SYNE1: variants seen among roughly 807,000 people sequenced by gnomAD.
The protein encoded by SYNE1 is spectrin repeat containing nuclear envelope protein 1, also known as nesprin-1.
In SYNE1, 616 loss-of-function variants were observed where a neutral mutation model predicts 1,111.0. That is an observed-to-expected ratio of 0.55 (90% CI 0.52 to 0.59). SYNE1 has a LOEUF of 0.59. SYNE1 is among the 20% of genes least tolerant of loss of function. The probability of loss-of-function intolerance (pLI) is 0.00; values close to 1 mark genes in which losing one functional copy is unlikely to be tolerated. For missense variants in SYNE1, 10,006 were observed against 10,417.0 expected, an observed-to-expected ratio of 0.96 and a Z score of 1.72; for synonymous variants, 3,855 against 3,825.8, an observed-to-expected ratio of 1.01 and a Z score of -0.28.
chr6:152,292,772 C>A (rs1242320982), intron 95 of SYNE1, among the ~76,000 whole-genome samples: 1 of 152,202 alleles, frequency 6.6e-6, no homozygotes, highest in Non-Finnish European at 1.5e-5. Context: ...TTTCTTTCCT[C>A]CTGCCTTCTG....
rs776759276 is a variant in SYNE1 at position 152,353,383 on chromosome 6, T to C, written c.11133A>G (p.Glu3711=). The C allele has an allele frequency of 1.2e-6, 2 of 1,614,208 alleles. No individual in the cohort carries two copies. Among genetic ancestry groups the C allele is most frequent in the Non-Finnish European group, 1.7e-6 (2 of 1,180,038 alleles). Residue 3711 remains glutamate (E), a synonymous_variant, in exon 69 of 146, where the codon GAA becomes GAG. Transcript: ENST00000367255. ...EEEIQSLEES[E]SSLSSYSDWY... is the part of the protein sequence containing the mutation. ...AATCAGAATAGGAACTGAGGGATGA[T>C]TCTGATTCCTCCAAACTCTGAATCT...
intron 98 of SYNE1, among the ~76,000 whole-genome samples, chr6:152,270,392 A>T (rs959669662): frequency 6.6e-6 from 1 of 151,816 alleles, no homozygotes; most frequent in African/African-American, 2.4e-5. Flanking sequence ...AGTACCCTTC[A>T]CTCCCTCCAT....
At chr6:152,554,602 C>A (rs2099358905) in intron 3 of SYNE1, among the ~76,000 whole-genome samples, 3 of 152,110 alleles carry the variant, frequency 2.0e-5, no homozygotes, top group Non-Finnish European at 4.4e-5. Context: ...CTCAGTTTAA[C>A]CAACCAAACT....
chr6:152,415,816 G>A (rs200712937), intron 41 of SYNE1, among the ~76,000 whole-genome samples: 4,476 of 59,914 alleles, frequency 0.075, 165 homozygotes, highest in African/African-American at 0.2. Flanking sequence ...AAAAAAAAAA[G>A]AAGAGGAAGA....
At position 152,336,993 on chromosome 6, in the gene SYNE1, G is replaced by A; in HGVS notation, c.12376C>T (p.Gln4126Ter). Residue 4126 changes from glutamine (Q) to a stop codon, truncating the protein, a stop_gained, in exon 76 of 146, where the codon CAG (glutamine) becomes TAG (stop). Transcript: ENST00000367255. LOFTEE classifies it high-confidence loss of function. ...TCTTCCCAGCCCTGAGTTAAGTTCT[G>A]GGCCTGGACAAGCTTTTGTTCAATC... Reference protein sequence around the residue: ...QTIEQKLVQAQNLTQGWEEIK... With the variant: ...QTIEQKLVQA 6.2e-7 allele frequency: 1 copy of A among 1,613,846 alleles called. No individual in the cohort carries two copies. The highest frequency in any genetic ancestry group is 8.5e-7 in the Non-Finnish European group (1 of 1,180,000).
At chr6:152,168,119 A>G in intron 130 of SYNE1, 1 of 780,306 alleles carries the variant, frequency 1.3e-6, no homozygotes, top group Non-Finnish European at 2.4e-6. Flanking sequence ...CTGCCTTGTG[A>G]CATCGCAGTT....
rs759467324 is a variant in SYNE1, at chr6:152,325,321, G to A, written c.15439-19C>T. 2.2e-5 allele frequency: 35 copies of A among 1,611,680 alleles called. No homozygotes were observed. The highest frequency in any genetic ancestry group is 2.9e-5 in the Non-Finnish European group (34 of 1,177,800). ...CTAAAGCCTAGGGTTGGGGGTGGAG[G>A]ACGGAAGAGAGGAGACAAGGGAGAG... On this transcript the variant is annotated intron_variant, in intron 80 of 145. Transcript: ENST00000367255.
intron 95 of SYNE1, 121 bp from the exon 96 acceptor site, chr6:152,284,293 A>C: frequency 4.8e-6 from 5 of 1,032,002 alleles, no homozygotes; most frequent in Non-Finnish European, 7.3e-6. Context: ...GGAATCATTA[A>C]TCAATCAACA....
At chr6:152,273,237 T>G (rs2093343296) in intron 98 of SYNE1, among the ~76,000 whole-genome samples, 1 of 152,188 alleles carries the variant, frequency 6.6e-6, no homozygotes. Flanking sequence ...ACCACAGTGG[T>G]GTGTACATGC....
rs752209637 is a variant in SYNE1, at chr6:152,354,835, G to A, written c.10750C>T (p.His3584Tyr). 3.0e-5 allele frequency: 48 copies of A among 1,614,050 alleles called. No individual in the cohort carries two copies. The highest frequency in any genetic ancestry group is 4.0e-5 in the Non-Finnish European group (47 of 1,180,040). Residue 3584 changes from histidine to tyrosine, a missense_variant, in exon 67 of 146, where the codon CAC becomes TAC. Physicochemically the swap from His to Tyr is moderately conservative, Grantham distance 83 (BLOSUM62 2). Coordinates refer to ENST00000367255, the MANE Select transcript of SYNE1 (RefSeq NM_182961.4). ...SLRQDWQAYQHRLSETRTQFN... is the reference protein window; with the variant it reads ...SLRQDWQAYQYRLSETRTQFN... ...TGAGTTCGAGTCTCGGACAGCCTGT[G>A]CTGGTAAGCCTGCCAGTCTTGCCGG...
rs1347372666 is a variant in SYNE1 at position 152,419,670 on chromosome 6, G to A, written c.5320C>T (p.Leu1774=). The A allele has an allele frequency of 6.2e-7, 1 of 1,614,044 alleles. No individual in the cohort carries two copies. The highest frequency in any genetic ancestry group is 1.1e-5 in the South Asian group (1 of 91,072). The change falls in exon 40 of 146, where the codon CTG becomes TTG. Residue 1774 remains leucine, a synonymous_variant. Coordinates refer to ENST00000367255, the MANE Select transcript of SYNE1 (RefSeq NM_182961.4). Reference sequence around the variant, plus strand: ...TTAATCCAGACAGAAAAGGAAAGCAGCAGCTCATCAAATTGCTGGTGTTCA... The same window carrying A: ...TTAATCCAGACAGAAAAGGAAAGCAACAGCTCATCAAATTGCTGGTGTTCA... ...VAEHQQFDEL[L]LSFSVWIKLF... is the part of the protein sequence containing the mutation.
At position 152,395,653 on chromosome 6, in the gene SYNE1, T is replaced by C. The variant is rs1416339915; in HGVS notation, c.7575A>G (p.Arg2525=). ...TTTCATGGATCCATAAGTTCAGTTT[T>C]CTGTGCTGATCTTCAAAGCTAAGGG... ...SELGSFEDQH[R]KLNLWIHEME... The change falls in exon 51 of 146, where the codon AGA becomes AGG. Residue 2525 remains arginine, a synonymous_variant. Coordinates refer to ENST00000367255, the MANE Select transcript of SYNE1 (RefSeq NM_182961.4). 6.2e-7 allele frequency: 1 copy of C among 1,614,192 alleles called. No individual in the cohort carries two copies. Among genetic ancestry groups the C allele is most frequent in the Admixed American group, 1.7e-5 (1 of 60,026 alleles).
At chr6:152,439,287 G>C (rs992052183) in intron 32 of SYNE1, among the ~76,000 whole-genome samples, 1 of 152,182 alleles carries the variant, frequency 6.6e-6, no homozygotes. Context: ...ATCATAGGGG[G>C]TCAGAAACTC....
chr6:152,345,856 T>A (rs1168891243), intron 73 of SYNE1, among the ~76,000 whole-genome samples: 1 of 152,178 alleles, frequency 6.6e-6, no homozygotes, highest in Non-Finnish European at 1.5e-5. Context: ...TCTAAAACAT[T>A]AAGAATTCTG....
chr6:152,286,715 T>A (rs933010619), intron 95 of SYNE1, among the ~76,000 whole-genome samples: 3 of 152,248 alleles, frequency 2.0e-5, no homozygotes, highest in African/African-American at 7.2e-5. Flanking sequence ...GTGTTTCTTT[T>A]GGTTCTGCAT....
At position 152,506,286 on chromosome 6, in the gene SYNE1, G is replaced by A. The variant is rs894746546; in HGVS notation, c.582-889C>T. Among the ~76,000 whole-genome samples, 8 of 151,936 alleles carry A rather than the reference G, an allele frequency of 5.3e-5. 1 individual carries two copies. Among genetic ancestry groups the A allele is most frequent in the East Asian group, 3.9e-4 (2 of 5,170 alleles). ...AGTTGTAAAGATGATTTTGAGCATC[G>A]GCTGCACCCCTTGAATAAGTGGAGG... On this transcript the variant is annotated intron_variant, in intron 8 of 145. Coordinates refer to ENST00000367255, the MANE Select transcript of SYNE1 (RefSeq NM_182961.4).
At chr6:152,457,970 A>C (rs937589135) in intron 22 of SYNE1, among the ~76,000 whole-genome samples, 4 of 150,636 alleles carry the variant, frequency 2.7e-5, no homozygotes, top group African/African-American at 4.9e-5. Flanking sequence ...TCTCTGTATA[A>C]GTTTTATACA....
rs957469628 is a variant in SYNE1 at position 152,192,957 on chromosome 6, T to C, written c.23146-3550A>G. 3.9e-5 allele frequency among the ~76,000 whole-genome samples: 6 copies of C among 152,190 alleles called. No individual in the cohort carries two copies. In the East Asian group the frequency reaches 1.2e-3, roughly 29 times the overall value. On this transcript the variant is annotated intron_variant, in intron 127 of 145. Coordinates refer to ENST00000367255, the MANE Select transcript of SYNE1 (RefSeq NM_182961.4). ...TTTATTTTCAGTGTATGTGTGTCTT[T>C]ACAGATGAAGTGTGTTTCTTGTAGG...
intron 11 of SYNE1, among the ~76,000 whole-genome samples, chr6:152,497,753 C>G (rs1362551751): frequency 6.6e-6 from 1 of 152,194 alleles, no homozygotes; most frequent in Non-Finnish European, 1.5e-5. Context: ...TCAACATTCT[C>G]CTTTCTAAGA....
Sources: allele counts gnomAD v4.1 joint callset (sites outside exome capture counted in the v4.1 genomes callset), GRCh38; gene constraint gnomAD v4.1.1; transcripts MANE v1.5; gene names NCBI Gene and HGNC (gene_info 2026-07-23, HGNC 2026-07-21).